The following CAPZA2 variants were observed in gnomAD, a reference collection of about 807,000 sequenced individuals.
The protein encoded by CAPZA2 is capping actin protein of muscle Z-line subunit alpha 2, also known as F-actin-capping protein subunit alpha-2.
Under a neutral mutation model 44.0 loss-of-function variants are expected in CAPZA2, and 13 were observed. The observed-to-expected ratio is 0.30, with a 90% CI of 0.19 to 0.47. The LOEUF (loss-of-function observed/expected upper bound fraction) is 0.47, where lower values mean the gene tolerates loss of function less well. Among genes scored for constraint, CAPZA2 ranks in the 20% least tolerant of loss-of-function variants. The pLI is 1.00. For synonymous variants in CAPZA2, 94 were observed against 108.2 expected (o/e 0.87, Z 0.81); for missense variants, 244 against 338.6 (o/e 0.72, Z 2.19).
chr7:116,866,644 G>C (rs760741957), intron 1 of CAPZA2, among the ~76,000 whole-genome samples: 19 of 152,208 alleles, frequency 1.2e-4, no homozygotes, highest in Non-Finnish European at 2.5e-4. Flanking sequence ...CTGGATAAGA[G>C]ATTCAAGTTC....
chr7:116,915,334 A>G (rs1791665924), intron 8 of CAPZA2: 1 of 152,032 alleles, frequency 6.6e-6, no homozygotes, highest in South Asian at 2.1e-4. Flanking sequence ...CCTAAGAGAA[A>G]TTTGTCCACA....
chr7:116,862,733 A>C, intron 1 of CAPZA2, 83 bp downstream of exon 1: 1 of 1,427,646 alleles, frequency 7.0e-7, no homozygotes, highest in East Asian at 2.9e-5. Context: ...GTCGCGGGGG[A>C]AGGGCATTGG....
At chr7:116,915,777 A>T (rs978171815) in intron 8 of CAPZA2, 1 of 200,254 alleles carries the variant, frequency 5.0e-6, no homozygotes, top group African/African-American at 2.4e-5. Flanking sequence ...ATTGGAATGC[A>T]TGTCCAGTGT....
chr7:116,870,133 T>G (rs1796533369), intron 1 of CAPZA2, among the ~76,000 whole-genome samples: 1 of 152,176 alleles, frequency 6.6e-6, no homozygotes, highest in Non-Finnish European at 1.5e-5. Flanking sequence ...AATGACAGCA[T>G]AGATTAAGTT....
At chr7:116,878,776 T>C (rs999368921) in intron 1 of CAPZA2, among the ~76,000 whole-genome samples, 13 of 152,162 alleles carry the variant, frequency 8.5e-5, no homozygotes, top group Admixed American at 4.6e-4. Flanking sequence ...TTGAACAGTG[T>C]AGGACACAAA....
At chr7:116,884,643 C>T (rs1796738392) in intron 1 of CAPZA2, among the ~76,000 whole-genome samples, 2 of 151,588 alleles carry the variant, frequency 1.3e-5, no homozygotes, top group Admixed American at 1.3e-4. Context: ...TGTAGATATA[C>T]CATGGTTTAT....
chr7:116,900,200 A>G (rs555156687), intron 4 of CAPZA2, among the ~76,000 whole-genome samples: 50 of 152,100 alleles, frequency 3.3e-4, no homozygotes, highest in African/African-American at 1.1e-3. Flanking sequence ...TAAATGTCAT[A>G]AACTAAAACA....
intron 1 of CAPZA2, chr7:116,875,138 A>C (rs1466469855): frequency 6.6e-6 from 1 of 152,114 alleles, no homozygotes; most frequent in Non-Finnish European, 1.5e-5. Context: ...TTGAAAGATG[A>C]ATATCCTTTT....
chr7:116,917,595 G>A, intron 9 of CAPZA2, 132 bp from the exon 10 acceptor site: 2 of 706,638 alleles, frequency 2.8e-6, no homozygotes, highest in East Asian at 2.6e-5. Flanking sequence ...AACAATGTTG[G>A]GATTTTATTT....
At chr7:116,865,624 G>A (rs923997761) in intron 1 of CAPZA2, among the ~76,000 whole-genome samples, 1 of 152,142 alleles carries the variant, frequency 6.6e-6, no homozygotes, top group African/African-American at 2.4e-5. Flanking sequence ...GTCCACCCAG[G>A]CTGGAGTGCA....
intron 1 of CAPZA2, among the ~76,000 whole-genome samples, chr7:116,881,601 T>C (rs943133200): frequency 3.3e-5 from 5 of 151,470 alleles, no homozygotes; most frequent in Non-Finnish European, 7.4e-5. Flanking sequence ...TAGCCGGGCG[T>C]GGTGGTGGGT....
chr7:116,881,664 G>A (rs1034304281), intron 1 of CAPZA2, among the ~76,000 whole-genome samples: 2 of 150,654 alleles, frequency 1.3e-5, no homozygotes, highest in South Asian at 2.1e-4. Flanking sequence ...GCATGAACCC[G>A]GGAGGCAGAG....
chr7:116,894,766 A>T (rs964449), intron 3 of CAPZA2, among the ~76,000 whole-genome samples: 1 of 151,926 alleles, frequency 6.6e-6, no homozygotes, highest in Non-Finnish European at 1.5e-5. Flanking sequence ...GCCTTTTGTG[A>T]CTGGTCTATT....
chr7:116,886,075 C>T (rs1033498026), intron 1 of CAPZA2: 1 of 154,628 alleles, frequency 6.5e-6, no homozygotes, highest in Non-Finnish European at 1.5e-5. Context: ...TGATTGATGT[C>T]AGATACCAGA....
intron 6 of CAPZA2, among the ~76,000 whole-genome samples, chr7:116,908,321 A>T (rs1415103540): frequency 6.6e-6 from 1 of 152,196 alleles, no homozygotes; most frequent in Non-Finnish European, 1.5e-5. Context: ...AGTAAAAATC[A>T]GAAGCAACTA....
At chr7:116,905,776 G>A (rs1791490887) in intron 5 of CAPZA2, among the ~76,000 whole-genome samples, 4 of 152,270 alleles carry the variant, frequency 2.6e-5, no homozygotes, top group Middle Eastern at 6.8e-3. Context: ...AAATAGCATT[G>A]TGATACATCA....
At chr7:116,890,547 TATATATATATATATATATATACAC>T (rs1562959937) in intron 2 of CAPZA2, among the ~76,000 whole-genome samples, 150 of 12,990 alleles carry the variant, frequency 0.012, no homozygotes, top group East Asian at 0.022. Flanking sequence ...TATATATATA[TATATATATATATATATATATACAC>T]ATATATATAT....
chr7:116,878,083 A>G (rs1443826875), intron 1 of CAPZA2, among the ~76,000 whole-genome samples: 1 of 152,252 alleles, frequency 6.6e-6, no homozygotes, highest in Non-Finnish European at 1.5e-5. Flanking sequence ...AGAAGGCAAT[A>G]CATTTGAATG....
At chr7:116,910,074 C>G (rs1791570824) in intron 6 of CAPZA2, 159 bp from the exon 7 acceptor site, 6 of 645,790 alleles carry the variant, frequency 9.3e-6, no homozygotes, top group Non-Finnish European at 1.7e-5. Flanking sequence ...TGGACTTAAC[C>G]TTTTGATTAT....
Sources: allele counts gnomAD v4.1 joint callset (sites outside exome capture counted in the v4.1 genomes callset), GRCh38; gene constraint gnomAD v4.1.1; transcripts MANE v1.5; gene names NCBI Gene and HGNC (gene_info 2026-07-23, HGNC 2026-07-21).